The following FZD3 variants were observed in gnomAD, a reference collection of about 807,000 sequenced individuals.
FZD3 encodes the protein frizzled-3.
Under a neutral mutation model 60.7 loss-of-function variants are expected in FZD3, and 30 were observed. The observed-to-expected ratio is 0.49, with a 90% CI of 0.37 to 0.67. The LOEUF (loss-of-function observed/expected upper bound fraction) is 0.67, where lower values mean the gene tolerates loss of function less well. Ranked by LOEUF, FZD3 falls within the 30% of genes least tolerant of loss-of-function variation. FZD3 has a pLI of 0.00. For missense variants in FZD3, 605 were observed against 838.7 expected, an observed-to-expected ratio of 0.72 and a Z score of 3.44; for synonymous variants, 246 against 275.2, an observed-to-expected ratio of 0.89 and a Z score of 1.05.
At chr8:28,505,226 G>A (rs888632340) in intron 3 of FZD3, 6 of 154,592 alleles carry the variant, frequency 3.9e-5, no homozygotes, top group African/African-American at 1.4e-4. Flanking sequence ...ACAAGTAATT[G>A]GAGCAAACCC....
chr8:28,505,921 A>T (rs189207231), intron 3 of FZD3, among the ~76,000 whole-genome samples: 7 of 152,334 alleles, frequency 4.6e-5, no homozygotes, highest in African/African-American at 1.4e-4. Flanking sequence ...TTATTTCTTT[A>T]TCTCTGCCTT....
rs1210901925 is a variant in FZD3 at position 28,563,118 on chromosome 8, A to C, written c.*107A>C. On this transcript the variant is annotated 3_prime_UTR_variant, in exon 8 of 8. Transcript: ENST00000240093. ...ACTCACAGTTAACATGCTTTCAGTCAAGTACAGATTGTGTCCACTGGAAAG... is the reference window on the plus strand; with the variant it reads ...ACTCACAGTTAACATGCTTTCAGTCCAGTACAGATTGTGTCCACTGGAAAG... The C allele has an allele frequency of 5.2e-6, 4 of 763,286 alleles. No individual in the cohort carries two copies. The East Asian group carries it at 1.0e-4, about 19-fold the overall frequency. The allele number at this position is 763,286 out of a possible 1,614,324, so 47.3% of individuals were successfully genotyped here. A position where few individuals can be genotyped will look rare whatever the true frequency, so the allele number is the denominator to read the frequency against.
intron 5 of FZD3, among the ~76,000 whole-genome samples, chr8:28,550,437 G>GT (rs1554539571): frequency 0.02 from 1,589 of 79,556 alleles, 33 homozygotes; most frequent in African/African-American, 0.06. Flanking sequence ...TAGTTCTGCT[G>GT]TTTTTTTTTT....
At chr8:28,501,114 T>G (rs1380820752) in intron 2 of FZD3, among the ~76,000 whole-genome samples, 1 of 152,172 alleles carries the variant, frequency 6.6e-6, no homozygotes, top group Non-Finnish European at 1.5e-5. Flanking sequence ...AAAAGAAATA[T>G]GGCAGGCCAA....
chr8:28,558,381 C>T (rs1454754214), intron 7 of FZD3, among the ~76,000 whole-genome samples: 1 of 152,018 alleles, frequency 6.6e-6, no homozygotes, highest in South Asian at 2.1e-4. Context: ...ATGAACCCAG[C>T]TTTATTTGAC....
chr8:28,551,280 C>T (rs555010225), intron 5 of FZD3, among the ~76,000 whole-genome samples: 8 of 152,216 alleles, frequency 5.3e-5, no homozygotes, highest in Admixed American at 4.6e-4. Context: ...GCCTGTAATC[C>T]CAGCACTTTG....
chr8:28,537,299 T>G (rs1805041151), intron 5 of FZD3, among the ~76,000 whole-genome samples: 1 of 149,530 alleles, frequency 6.7e-6, no homozygotes, highest in South Asian at 2.1e-4. Flanking sequence ...ATATACAAGT[T>G]ATTATTCTGG....
Position 28,563,562 on chromosome 8 carries a change from A to T in FZD3, c.*551A>T, listed in dbSNP as rs1384136837. The T allele has an allele frequency of 6.5e-6, 1 of 154,652 alleles. No homozygotes were observed. Among genetic ancestry groups the T allele is most frequent in the Admixed American group, 6.4e-5 (1 of 15,686 alleles). The allele number at this position is 154,652 out of a possible 1,614,324, so 9.6% of individuals were successfully genotyped here. A position where few individuals can be genotyped will look rare whatever the true frequency, so the allele number is the denominator to read the frequency against. On this transcript the variant is annotated 3_prime_UTR_variant, in exon 8 of 8. Coordinates refer to ENST00000240093, the MANE Select transcript of FZD3 (RefSeq NM_017412.4). ...TTTTAGCTAATAGAATAAAAGTGCAACAGAAGAATTTGATTAGTCTATGAA... is the reference window on the plus strand; with the variant it reads ...TTTTAGCTAATAGAATAAAAGTGCATCAGAAGAATTTGATTAGTCTATGAA...
rs992627749 is a variant in FZD3, at chr8:28,570,782, A to T, written c.*7771A>T. 2.6e-5 allele frequency: 4 copies of T among 152,144 alleles called. No homozygotes were observed. The highest frequency in any genetic ancestry group is 9.7e-5 in the African/African-American group (4 of 41,420). 9.4% of individuals were successfully genotyped at this position (152,144 alleles called of 1,614,324 possible). A position where few individuals can be genotyped will look rare whatever the true frequency, so the allele number is the denominator to read the frequency against. On this transcript the variant is annotated 3_prime_UTR_variant, in exon 8 of 8. Transcript: ENST00000240093. ...TTGCTCTGATTGTCTACATTAGCTC[A>T]TATCAGTCTTTTGAACACTGGTTCA...
rs543659528 is a variant in FZD3, at chr8:28,572,353, A to G, written c.*9342A>G. The G allele has an allele frequency of 5.3e-5, 8 of 152,304 alleles. No individual in the cohort carries two copies. In the East Asian group the frequency reaches 1.3e-3, roughly 26 times the overall value. The allele number at this position is 152,304 out of a possible 1,614,324, so 9.4% of individuals were successfully genotyped here. On this transcript the variant is annotated 3_prime_UTR_variant, in exon 8 of 8. Coordinates refer to ENST00000240093, the MANE Select transcript of FZD3 (RefSeq NM_017412.4). ...TATGTTAACTTCTCATCCTAACCCT[A>G]TCAATATATCAGAGGCTTTATGAAG... is the stretch of plus-strand genomic sequence containing the variant.
rs966851051 is a variant in FZD3 at position 28,513,075 on chromosome 8, A to G, written c.190-7563A>G. On this transcript the variant is annotated intron_variant, in intron 3 of 7. Transcript: ENST00000240093. Reference sequence around the variant, plus strand: ...AAAGTGGCCTAAGAAGCCTGGTGTGAGGAGAAACCAGCCAGGAATTAAACG... The same window carrying G: ...AAAGTGGCCTAAGAAGCCTGGTGTGGGGAGAAACCAGCCAGGAATTAAACG... Among the ~76,000 whole-genome samples the G allele has an allele frequency of 3.3e-5, 5 of 152,160 alleles. No individual in the cohort carries two copies. In the East Asian group the frequency reaches 9.6e-4, roughly 29 times the overall value.
intron 3 of FZD3, among the ~76,000 whole-genome samples, chr8:28,508,690 G>C (rs1468318758): frequency 6.6e-6 from 1 of 151,646 alleles, no homozygotes; most frequent in Non-Finnish European, 1.5e-5. Context: ...TTGTTTGTTT[G>C]TTTGTTTGTT....
chr8:28,525,921 G>T (rs1396774392), intron 4 of FZD3, among the ~76,000 whole-genome samples: 1 of 135,370 alleles, frequency 7.4e-6, no homozygotes, highest in African/African-American at 2.8e-5. Flanking sequence ...ATAGGTATAT[G>T]AAAGATAAGG....
chr8:28,515,971 C>T (rs898030755), intron 3 of FZD3, among the ~76,000 whole-genome samples: 44 of 152,052 alleles, frequency 2.9e-4, no homozygotes, highest in African/African-American at 9.9e-4. Flanking sequence ...TCTAAGAAAC[C>T]ACTGCTAAAT....
intron 3 of FZD3, among the ~76,000 whole-genome samples, chr8:28,514,019 CA>C (rs1271586095): frequency 6.6e-6 from 1 of 152,130 alleles, no homozygotes; most frequent in Non-Finnish European, 1.5e-5. Flanking sequence ...TGAATTTGAA[CA>C]AAGAATGGAA....
At position 28,574,166 on chromosome 8, in the gene FZD3, A is replaced by C. The variant is rs1003279053; in HGVS notation, c.*11155A>C. On this transcript the variant is annotated 3_prime_UTR_variant, in exon 8 of 8. Transcript: ENST00000240093. The stretch of plus-strand genomic sequence containing the variant: ...GTTTTTGTAAATGTTTTTTCTTAGC[A>C]CTTTAACTGTGAGTGTACAAACTGA... 2 of 152,098 alleles carry C rather than the reference A, an allele frequency of 1.3e-5. No individual in the cohort carries two copies. The highest frequency in any genetic ancestry group is 2.9e-5 in the Non-Finnish European group (2 of 68,004). The allele number at this position is 152,098 out of a possible 1,614,324, so 9.4% of individuals were successfully genotyped here. A position where few individuals can be genotyped will look rare whatever the true frequency, so the allele number is the denominator to read the frequency against.
chr8:28,555,862 GCTT>G lies in FZD3; in HGVS notation c.1683_1685del (p.Ser562del). 1 of 1,613,864 alleles carries G rather than the reference GCTT, an allele frequency of 6.2e-7. No homozygotes were observed. The highest frequency in any genetic ancestry group is 8.5e-7 in the Non-Finnish European group (1 of 1,179,728). On this transcript the variant is annotated inframe_deletion, in exon 7 of 8. Coordinates refer to ENST00000240093, the MANE Select transcript of FZD3 (RefSeq NM_017412.4). Reference sequence around the variant, plus strand: ...TTCCACTCAAGGAACATCCACCCATGCTTCTTCAACTCAGCTGGCTATGGTGGA... The same window carrying G: ...TTCCACTCAAGGAACATCCACCCATGCTTCAACTCAGCTGGCTATGGTGGA...
At chr8:28,540,886 A>G (rs1805148939) in intron 5 of FZD3, among the ~76,000 whole-genome samples, 2 of 152,212 alleles carry the variant, frequency 1.3e-5, no homozygotes, top group Admixed American at 1.3e-4. Context: ...TGGAGGTTGC[A>G]GTGAGCCGAG....
At chr8:28,543,052 T>A (rs1166850872) in intron 5 of FZD3, among the ~76,000 whole-genome samples, 1 of 152,204 alleles carries the variant, frequency 6.6e-6, no homozygotes, top group East Asian at 1.9e-4. Flanking sequence ...CTTGAAGTCA[T>A]GAAGTTCAAG....
Sources: gnomAD v4.1 joint callset for allele counts (sites outside exome capture counted in the v4.1 genomes callset) on GRCh38, gnomAD v4.1.1 for gene constraint, MANE v1.5 for transcripts, NCBI Gene and HGNC (gene_info 2026-07-23, HGNC 2026-07-21) for gene names.